TRIM58: variants seen among roughly 807,000 people sequenced by gnomAD.
The protein encoded by TRIM58 is tripartite motif containing 58, also known as E3 ubiquitin-protein ligase TRIM58.
In TRIM58, 38 loss-of-function variants were observed where a neutral mutation model predicts 34.1. The observed-to-expected ratio is 1.12, with a 90% confidence interval of 0.86 to 1.46. The LOEUF (loss-of-function observed/expected upper bound fraction) is 1.46. TRIM58 is among the 40% of genes most tolerant of loss of function. The pLI is 0.00. For missense variants in TRIM58, 677 were observed against 642.0 expected, an observed-to-expected ratio of 1.05 and a Z score of -0.59; for synonymous variants, 273 against 275.7, an observed-to-expected ratio of 0.99 and a Z score of 0.10.
Position 247,857,664 on chromosome 1 carries a change from C to T in TRIM58, c.418C>T (p.Gln140Ter). The change falls in exon 1 of 6, where the codon CAG becomes TAG. Residue 140 changes from glutamine (Q) to a stop codon, truncating the protein, a stop_gained and splice_region_variant. Transcript: ENST00000366481. LOFTEE classifies it high-confidence loss of function. ...GCTGCAGGAGGCCGCCGGCAGCTAC[C>T]AGGTGAGGCGCCCCCCGGCGGGGGC... The part of the protein sequence containing the change: ...APLQEAAGSY[Q>*]VKLQMALELM... The T allele has an allele frequency of 3.3e-6, 4 of 1,229,322 alleles. No homozygotes were observed. Among genetic ancestry groups the T allele is most frequent in the Non-Finnish European group, 4.1e-6 (4 of 986,366 alleles). 76.2% of individuals were successfully genotyped at this position (1,229,322 alleles called of 1,614,324 possible).
At chr1:247,864,527 C>T (rs1179555832) in intron 2 of TRIM58, among the ~76,000 whole-genome samples, 178 bp from the exon 3 acceptor site, 1 of 152,178 alleles carries the variant, frequency 6.6e-6, no homozygotes, top group Non-Finnish European at 1.5e-5. Flanking sequence ...TTTGAAAACT[C>T]TCCTGGGCTA....
At chr1:247,860,278 A>G (rs1432149481) in intron 1 of TRIM58, among the ~76,000 whole-genome samples, 1 of 152,136 alleles carries the variant, frequency 6.6e-6, no homozygotes, top group East Asian at 1.9e-4. Flanking sequence ...AGCCTGGGCA[A>G]TATAGTAAGA....
chr1:247,875,917 C>A lies in TRIM58; in HGVS notation c.889C>A (p.Pro297Thr). ...RKFQVDVKLD[P>T]ATAHPSLLLT... ...TTCCGCAGTGGATGTAAAGCTGGAT[C>A]CCGCCACGGCGCACCCGAGTCTGCT... Residue 297 changes from proline to threonine, a missense_variant, in exon 6 of 6, where the codon CCC becomes ACC. Coordinates refer to ENST00000366481, the MANE Select transcript of TRIM58 (RefSeq NM_015431.4). The A allele has an allele frequency of 6.2e-7, 1 of 1,611,424 alleles. No homozygotes were observed. The highest frequency in any genetic ancestry group is 8.5e-7 in the Non-Finnish European group (1 of 1,178,346).
At chr1:247,872,350 C>T (rs952636957) in intron 5 of TRIM58, among the ~76,000 whole-genome samples, 9 of 151,990 alleles carry the variant, frequency 5.9e-5, no homozygotes, top group African/African-American at 1.7e-4. Flanking sequence ...CGGAAGGTGC[C>T]GCAAGATGGA....
At position 247,857,296 on chromosome 1, in the gene TRIM58, C is replaced by T. The variant is rs977843263; in HGVS notation, c.50C>T (p.Pro17Leu). 3 of 1,406,006 alleles carry T rather than the reference C, an allele frequency of 2.1e-6. No homozygotes were observed. The highest frequency in any genetic ancestry group is 1.9e-6 in the Non-Finnish European group (2 of 1,071,818). The allele number at this position is 1,406,006 out of a possible 1,614,324, so 87.1% of individuals were successfully genotyped here. The change falls in exon 1 of 6, where the codon CCG becomes CTG. Residue 17 changes from proline (P) to leucine (L), a missense_variant. Coordinates refer to ENST00000366481, the MANE Select transcript of TRIM58 (RefSeq NM_015431.4). Reference protein sequence around the residue: ...GERLREDARCPVCLDFLQEPV... With the variant: ...GERLREDARCLVCLDFLQEPV... ...CGGCTGCGCGAGGATGCGCGGTGCCCGGTGTGCCTGGATTTCCTGCAGGAG... is the reference window on the plus strand; with the variant it reads ...CGGCTGCGCGAGGATGCGCGGTGCCTGGTGTGCCTGGATTTCCTGCAGGAG...
rs573951903 is a variant in TRIM58, at chr1:247,879,580, G to C, written c.*3091G>C. Among the ~76,000 whole-genome samples the C allele has an allele frequency of 6.6e-6, 1 of 151,876 alleles. No homozygotes were observed. The highest frequency in any genetic ancestry group is 2.0e-4 in the East Asian group (1 of 5,100). On this transcript the variant is annotated 3_prime_UTR_variant, in exon 6 of 6. Transcript: ENST00000366481. ...AGTGAATCCCCAGGCCCTAGAGGAT[G>C]TGAACCCCCAGGCCCTAGAGGATCT...
At chr1:247,864,645 G>T in intron 2 of TRIM58, 60 bp from the exon 3 acceptor site, 1 of 1,564,788 alleles carries the variant, frequency 6.4e-7, no homozygotes, top group Admixed American at 1.8e-5. Context: ...CTCCAGCACT[G>T]TCCTGTACAT....
chr1:247,868,084 G>T, intron 5 of TRIM58, 21 bp downstream of exon 5: 1 of 1,577,728 alleles, frequency 6.3e-7, no homozygotes, highest in East Asian at 2.3e-5. Flanking sequence ...CTTAGAGACT[G>T]GGAATTAGGC....
chr1:247,872,719 G>C (rs1280829035), intron 5 of TRIM58, among the ~76,000 whole-genome samples: 1 of 152,188 alleles, frequency 6.6e-6, no homozygotes, highest in Non-Finnish European at 1.5e-5. Context: ...CAGCACCCGG[G>C]TAGATAGGGA....
chr1:247,859,410 C>G (rs57248897), intron 1 of TRIM58, among the ~76,000 whole-genome samples: 44,168 of 151,950 alleles, frequency 0.29, 6,575 homozygotes, highest in African/African-American at 0.33. Flanking sequence ...TTATATATAA[C>G]AATTATAATA....
rs767118404 is a variant in TRIM58 at position 247,860,655 on chromosome 1, G to A, written c.459G>A (p.Glu153=). 6.2e-7 allele frequency: 1 copy of A among 1,613,932 alleles called. No individual in the cohort carries two copies. ...LQMALELMRK[E]LEDALTQEAN... is the part of the protein sequence containing the mutation. ...TGGCTCTGGAACTTATGAGGAAAGA[G>A]TTGGAGGACGCCTTGACTCAGGAGG... The change falls in exon 2 of 6, where the codon GAG becomes GAA. Residue 153 remains glutamate (E), a synonymous_variant. Coordinates refer to ENST00000366481, the MANE Select transcript of TRIM58 (RefSeq NM_015431.4).
At chr1:247,873,334 T>C (rs1425180960) in intron 5 of TRIM58, among the ~76,000 whole-genome samples, 1 of 151,996 alleles carries the variant, frequency 6.6e-6, no homozygotes. Flanking sequence ...TGATGAAGAA[T>C]TGAGTTTAGG....
chr1:247,871,139 G>A (rs1430568832), intron 5 of TRIM58, among the ~76,000 whole-genome samples: 1 of 152,204 alleles, frequency 6.6e-6, no homozygotes. Flanking sequence ...GCTGATATGA[G>A]TAACGTTACT....
At position 247,875,925 on chromosome 1, in the gene TRIM58, G is replaced by A. The variant is rs201913663; in HGVS notation, c.897G>A (p.Thr299=). ...TGGATGTAAAGCTGGATCCCGCCACGGCGCACCCGAGTCTGCTCTTGACCG... is the reference window on the plus strand; with the variant it reads ...TGGATGTAAAGCTGGATCCCGCCACAGCGCACCCGAGTCTGCTCTTGACCG... The part of the protein sequence containing the change: ...FQVDVKLDPA[T]AHPSLLLTAD... The change falls in exon 6 of 6, where the codon ACG becomes ACA. Residue 299 remains threonine, a synonymous_variant. Coordinates refer to ENST00000366481, the MANE Select transcript of TRIM58 (RefSeq NM_015431.4). 68 of 1,612,860 alleles carry A rather than the reference G, an allele frequency of 4.2e-5. No individual in the cohort carries two copies. The highest frequency in any genetic ancestry group is 4.0e-4 in the African/African-American group (30 of 74,982).
rs1324202364 is a variant in TRIM58 at position 247,877,268 on chromosome 1, AT to A, written c.*782del. Reference sequence around the variant, plus strand: ...ATTCAACTCGTTCTTTAATGCAGATATTTACTAGTTATAAGACCTTAAGGCT... The same window carrying A: ...ATTCAACTCGTTCTTTAATGCAGATATTACTAGTTATAAGACCTTAAGGCT... On this transcript the variant is annotated 3_prime_UTR_variant, in exon 6 of 6. Coordinates refer to ENST00000366481, the MANE Select transcript of TRIM58 (RefSeq NM_015431.4). 2 of 152,178 alleles carry A rather than the reference AT, an allele frequency of 1.3e-5. No homozygotes were observed. Among genetic ancestry groups the A allele is most frequent in the South Asian group, 2.1e-4 (1 of 4,828 alleles). 9.4% of individuals were successfully genotyped at this position (152,178 alleles called of 1,614,324 possible).
Position 247,876,824 on chromosome 1 carries a change from A to C in TRIM58, c.*335A>C. 1 of 260,294 alleles carries C rather than the reference A, an allele frequency of 3.8e-6. No individual in the cohort carries two copies. Among genetic ancestry groups the C allele is most frequent in the Non-Finnish European group, 7.4e-6 (1 of 135,692 alleles). 16.1% of individuals were successfully genotyped at this position (260,294 alleles called of 1,614,324 possible). On this transcript the variant is annotated 3_prime_UTR_variant, in exon 6 of 6. Coordinates refer to ENST00000366481, the MANE Select transcript of TRIM58 (RefSeq NM_015431.4). The stretch of plus-strand genomic sequence containing the variant: ...TTCCTTTCAATATCCTTGTATTTCA[A>C]ATCTTCCATATAAGAATTAGACATG...
At chr1:247,863,176 A>G (rs1206173343) in intron 2 of TRIM58, among the ~76,000 whole-genome samples, 2 of 152,252 alleles carry the variant, frequency 1.3e-5, no homozygotes, top group Non-Finnish European at 2.9e-5. Flanking sequence ...GTTAAGTCTT[A>G]GGGGATGTTT....
intron 5 of TRIM58, among the ~76,000 whole-genome samples, chr1:247,872,202 TA>T (rs1313784807): frequency 6.6e-6 from 1 of 152,244 alleles, no homozygotes; most frequent in Non-Finnish European, 1.5e-5. Context: ...TTGATTGGAC[TA>T]ATGTTTTATG....
intron 5 of TRIM58, among the ~76,000 whole-genome samples, chr1:247,871,995 C>T (rs144090401): frequency 2.6e-5 from 4 of 152,288 alleles, no homozygotes; most frequent in Admixed American, 1.3e-4. Flanking sequence ...CAGAAATGAG[C>T]GCCAAGGCCT....
Sources: allele counts gnomAD v4.1 joint callset (sites outside exome capture counted in the v4.1 genomes callset), GRCh38; gene constraint gnomAD v4.1.1; transcripts MANE v1.5; gene names NCBI Gene and HGNC (gene_info 2026-07-23, HGNC 2026-07-21).